FGGY: variants seen among roughly 807,000 people sequenced by gnomAD.
The protein encoded by FGGY is FGGY carbohydrate kinase domain-containing protein.
In FGGY, 72 loss-of-function variants were observed where a neutral mutation model predicts 71.3. The observed-to-expected ratio is 1.01, with a 90% CI of 0.84 to 1.23. FGGY has a LOEUF of 1.23. FGGY is among the 50% of genes most tolerant of loss of function. The pLI, the probability that FGGY is intolerant of heterozygous loss-of-function variation, is 0.00. For missense variants in FGGY, 668 were observed against 682.3 expected (o/e 0.98, Z 0.23); for synonymous variants, 251 against 250.3 (o/e 1.00, Z -0.02).
intron 14 of FGGY, among the ~76,000 whole-genome samples, chr1:59,744,111 A>C (rs1452610071): frequency 1.3e-5 from 2 of 152,198 alleles, no homozygotes; most frequent in East Asian, 1.9e-4. Context: ...ACTGGCACTA[A>C]TTTCAGTGGT....
intron 14 of FGGY, among the ~76,000 whole-genome samples, chr1:59,717,058 G>A (rs774536984): frequency 4.6e-5 from 7 of 152,044 alleles, no homozygotes; most frequent in African/African-American, 9.7e-5. Context: ...ACATATGCTC[G>A]CCCTTAACCC....
At chr1:59,446,409 T>C (rs879712408) in intron 5 of FGGY, among the ~76,000 whole-genome samples, 1 of 152,200 alleles carries the variant, frequency 6.6e-6, no homozygotes, top group Non-Finnish European at 1.5e-5. Context: ...CTGTGTTGCA[T>C]CATTGCATAT....
intron 6 of FGGY, among the ~76,000 whole-genome samples, chr1:59,460,025 G>A (rs952354995): frequency 1.3e-5 from 2 of 152,290 alleles, no homozygotes; most frequent in African/African-American, 4.8e-5. Context: ...AGTGTTAAGT[G>A]AGAGGCAGAA....
At chr1:59,302,029 G>A (rs976262202) in intron 1 of FGGY, among the ~76,000 whole-genome samples, 3 of 151,330 alleles carry the variant, frequency 2.0e-5, no homozygotes, top group East Asian at 1.9e-4. Flanking sequence ...GAGCCACTGC[G>A]CCCAGCTGAT....
intron 2 of FGGY, among the ~76,000 whole-genome samples, chr1:59,323,569 T>C (rs78511826): frequency 0.018 from 2,798 of 152,260 alleles, 91 homozygotes; most frequent in African/African-American, 0.065. Context: ...AATAACACCA[T>C]AGGAATGAGA....
At chr1:59,580,758 T>G (rs1187026502) in intron 8 of FGGY, among the ~76,000 whole-genome samples, 1 of 152,190 alleles carries the variant, frequency 6.6e-6, no homozygotes, top group East Asian at 1.9e-4. Context: ...TCATTTCTCC[T>G]TCTTTTTCTA....
At chr1:59,666,425 G>A (rs1416668400) in intron 12 of FGGY, among the ~76,000 whole-genome samples, 3 of 151,922 alleles carry the variant, frequency 2.0e-5, no homozygotes, top group African/African-American at 7.3e-5. Flanking sequence ...TTTGATTTTC[G>A]AACTCTAGTT....
At chr1:59,748,503 G>A (rs1335247639) in intron 14 of FGGY, among the ~76,000 whole-genome samples, 3 of 152,142 alleles carry the variant, frequency 2.0e-5, no homozygotes, top group Non-Finnish European at 4.4e-5. Context: ...GAGGAAGGTT[G>A]GCATGTTCAG....
At chr1:59,559,282 C>T (rs776782148) in intron 8 of FGGY, among the ~76,000 whole-genome samples, 4 of 152,038 alleles carry the variant, frequency 2.6e-5, no homozygotes, top group African/African-American at 7.2e-5. Context: ...TAAAGATTGG[C>T]GTAAGAAATT....
chr1:59,508,392 T>C (rs2094445013), intron 6 of FGGY, among the ~76,000 whole-genome samples: 1 of 152,244 alleles, frequency 6.6e-6, no homozygotes, highest in South Asian at 2.1e-4. Flanking sequence ...AATGAATGCT[T>C]GAATGAAGCC....
intron 14 of FGGY, among the ~76,000 whole-genome samples, chr1:59,683,767 A>G (rs577844484): frequency 6.6e-6 from 1 of 152,388 alleles, no homozygotes; most frequent in South Asian, 2.1e-4. Flanking sequence ...CCCTTATCTC[A>G]TTAAAAATTA....
intron 14 of FGGY, chr1:59,699,284 T>A: frequency 1.0e-6 from 1 of 985,110 alleles, no homozygotes; most frequent in South Asian, 4.7e-5. Flanking sequence ...TAAAAGGAAA[T>A]TAAAAATTCA....
rs2067322428 is a variant in FGGY, at chr1:59,431,330, T to C, written c.555-25631T>C. On this transcript the variant is annotated intron_variant, in intron 5 of 15. Transcript: ENST00000303721. Reference sequence around the variant, plus strand: ...GGTCCAATGTGATCCAGCTGCTCCCTGACTCTCCAGTCTTACCTCCTGTCA... The same window carrying C: ...GGTCCAATGTGATCCAGCTGCTCCCCGACTCTCCAGTCTTACCTCCTGTCA... Among the ~76,000 whole-genome samples the C allele has an allele frequency of 2.0e-5, 3 of 152,242 alleles. No homozygotes were observed. In the South Asian group the frequency reaches 6.2e-4, roughly 32 times the overall value.
chr1:59,627,454 TTATATATATATATATATATATA>T (rs60500862), intron 10 of FGGY, among the ~76,000 whole-genome samples: 41 of 97,334 alleles, frequency 4.2e-4, no homozygotes, highest in Non-Finnish European at 7.1e-4. Flanking sequence ...ACTTATGATT[TTATATATATATATATATATATA>T]TATATATATA....
At chr1:59,360,492 A>G (rs2055281104) in intron 4 of FGGY, among the ~76,000 whole-genome samples, 1 of 152,210 alleles carries the variant, frequency 6.6e-6, no homozygotes, top group Non-Finnish European at 1.5e-5. Flanking sequence ...TTGGGGTTCA[A>G]GTGGCCAGGG....
chr1:59,641,351 G>A lies in FGGY; in HGVS notation c.1221+2976G>A, dbSNP rs573243673. On this transcript the variant is annotated intron_variant, in intron 11 of 15. Coordinates refer to ENST00000303721, the MANE Select transcript of FGGY (RefSeq NM_018291.5). ...CTCCCAGTTCTCTACTCTCCCCTCA[G>A]GTGACTCTTTTCTTGCATTGTTAAA... The A allele has an allele frequency of 6.4e-5, 102 of 1,599,358 alleles. 3 individuals are homozygous for A. The South Asian group carries it at 1.0e-3, about 16-fold the overall frequency.
intron 5 of FGGY, among the ~76,000 whole-genome samples, chr1:59,421,294 T>C (rs2065368745): frequency 6.6e-6 from 1 of 152,232 alleles, no homozygotes; most frequent in Admixed American, 6.5e-5. Flanking sequence ...AGAATGGCTA[T>C]ATGATGATAT....
intron 6 of FGGY, among the ~76,000 whole-genome samples, chr1:59,460,477 G>A (rs569575150): frequency 4.6e-5 from 7 of 152,298 alleles, no homozygotes; most frequent in East Asian, 1.9e-4. Flanking sequence ...GGGGCACGGC[G>A]TAGCTGAACA....
intron 5 of FGGY, among the ~76,000 whole-genome samples, chr1:59,388,996 G>A (rs1235320507): frequency 3.9e-5 from 6 of 151,970 alleles, no homozygotes; most frequent in East Asian, 1.9e-4. Flanking sequence ...CGCCCAGGCC[G>A]GAGTGCAGTG....
Sources: gnomAD v4.1 joint callset for allele counts (sites outside exome capture counted in the v4.1 genomes callset) on GRCh38, gnomAD v4.1.1 for gene constraint, MANE v1.5 for transcripts, NCBI Gene and HGNC (gene_info 2026-07-23, HGNC 2026-07-21) for gene names.